CHUK: variants seen among roughly 807,000 people sequenced by gnomAD.
The protein encoded by CHUK is inhibitor of nuclear factor kappa-B kinase subunit alpha.
CHUK carries 35 observed loss-of-function variants against 104.8 expected under a neutral mutation model. The observed-to-expected ratio is 0.33, with a 90% CI of 0.26 to 0.44. CHUK has a LOEUF of 0.44. Ranked by LOEUF, CHUK falls within the 20% of genes least tolerant of loss-of-function variation. The probability of loss-of-function intolerance (pLI) is 1.00; values close to 1 mark genes in which losing one functional copy is unlikely to be tolerated. For synonymous variants in CHUK, 276 were observed against 291.9 expected (o/e 0.95, Z 0.56); for missense variants, 663 against 902.7 (o/e 0.73, Z 3.40).
At position 100,189,642 on chromosome 10, in the gene CHUK, GAA is replaced by G; in HGVS notation, c.2209-17_2209-16del. Reference sequence around the variant, plus strand: ...CAATCAAGATTCTAAAACCAGGCATGAAAAAGTTACAATTAGATGTTGACTAT... The same window carrying G: ...CAATCAAGATTCTAAAACCAGGCATGAAAGTTACAATTAGATGTTGACTAT... On this transcript the variant is annotated splice_polypyrimidine_tract_variant and intron_variant, in intron 20 of 20. Transcript: ENST00000370397. 6.2e-7 allele frequency: 1 copy of G among 1,605,248 alleles called. No individual in the cohort carries two copies. The highest frequency in any genetic ancestry group is 8.5e-7 in the Non-Finnish European group (1 of 1,171,998).
intron 9 of CHUK, among the ~76,000 whole-genome samples, chr10:100,210,097 T>TATTTA (rs1564836593): frequency 6.7e-6 from 1 of 149,108 alleles, no homozygotes; most frequent in African/African-American, 2.5e-5. Context: ...ATTTATTTTT[T>TATTTA]TTTTTTTTGA....
intron 8 of CHUK, 61 bp from the exon 9 acceptor site, chr10:100,218,191 T>C: frequency 7.0e-7 from 1 of 1,433,102 alleles, no homozygotes; most frequent in Non-Finnish European, 9.8e-7. Context: ...CCCTTTATAC[T>C]GTTAGAAAGG....
chr10:100,196,466 A>G (rs539717922), intron 16 of CHUK, among the ~76,000 whole-genome samples: 177 of 149,476 alleles, frequency 1.2e-3, no homozygotes, highest in African/African-American at 3.9e-3. Flanking sequence ...GGCTCACTGC[A>G]GCCTCGACCT....
In CHUK at chr10:100,222,740, T is replaced by G. The variant is rs17878629; in HGVS notation, c.315+126A>C. The G allele has an allele frequency of 3.8e-3, 2,580 of 674,814 alleles. 55 individuals are homozygous for G. The African/African-American group carries it at 0.04, about 11-fold the overall frequency. 41.8% of individuals were successfully genotyped at this position (674,814 alleles called of 1,614,324 possible). ...ATGTGGCTGTGTTCCAATAAAACTT[T>G]ATTTACAAAACAGGAAGCAGACCAT... On this transcript the variant is annotated intron_variant, in intron 3 of 20. Transcript: ENST00000370397.
chr10:100,192,856 A>T (rs1845235846), intron 19 of CHUK: 1 of 485,500 alleles, frequency 2.1e-6, no homozygotes, highest in Non-Finnish European at 2.7e-6. Flanking sequence ...TCAAAAATTT[A>T]TTAGAAGGGT....
At chr10:100,202,461 C>A (rs1195601915) in intron 13 of CHUK, among the ~76,000 whole-genome samples, 1 of 152,150 alleles carries the variant, frequency 6.6e-6, no homozygotes. Flanking sequence ...ACAATGGAGA[C>A]AGATTGAGGT....
chr10:100,218,819 C>G lies in CHUK; in HGVS notation c.696G>C (p.Glu232Asp). 1 of 1,611,986 alleles carries G rather than the reference C, an allele frequency of 6.2e-7. No individual in the cohort carries two copies. The change falls in exon 8 of 21, where the codon GAG (glutamate) becomes GAC (aspartate). Residue 232 changes from glutamate (E) to aspartate (D), a missense_variant. Glu to Asp is a conservative substitution (Grantham distance 45). Around this residue, in one of 5 missense-constraint regions of CHUK, gnomAD observed 200 missense variants for 333.0 expected, o/e 0.60. Coordinates refer to ENST00000370397, the MANE Select transcript of CHUK (RefSeq NM_001278.5). ...ACTTTGGATCCTTCTTCTTAATCTT[C>G]TCATGCCTATAAAATCAAAAGCTAC... ...LHHLQPFTWH[E>D]KIKKKDPKCI...
At position 100,228,580 on chromosome 10, in the gene CHUK, C is replaced by T. The variant is rs191970944; in HGVS notation, c.105+848G>A. Among the ~76,000 whole-genome samples, 1,118 of 149,316 alleles carry T rather than the reference C, an allele frequency of 7.5e-3. 19 individuals carry two copies. Among genetic ancestry groups the T allele is most frequent in the African/African-American group, 0.026 (1,041 of 39,550 alleles). ...CTGTGGCAGGAGAATCGCTTGAACT[C>T]GGGAGGAGGAGGCTGCAGTGAGCCG... On this transcript the variant is annotated intron_variant, in intron 1 of 20. Transcript: ENST00000370397.
intron 16 of CHUK, among the ~76,000 whole-genome samples, chr10:100,196,396 T>TC (rs1356163501): frequency 6.6e-6 from 1 of 151,380 alleles, no homozygotes; most frequent in East Asian, 1.9e-4. Flanking sequence ...TTTTTTTTTT[T>TC]TTTTTTTTTA....
At chr10:100,194,395 T>C (rs1181603720) in intron 17 of CHUK, 30 bp downstream of exon 17, 4 of 1,464,700 alleles carry the variant, frequency 2.7e-6, no homozygotes, top group Non-Finnish European at 3.8e-6. Flanking sequence ...TATCCTGGTT[T>C]TTCAGTAGGA....
intron 14 of CHUK, 91 bp from the exon 15 acceptor site, chr10:100,200,871 G>T (rs1845445733): frequency 2.6e-6 from 2 of 764,550 alleles, no homozygotes; most frequent in African/African-American, 1.7e-5. Context: ...AGAATGACTT[G>T]CTGCTTCATT....
At chr10:100,204,699 T>C in intron 12 of CHUK, 42 bp from the exon 13 acceptor site, 1 of 1,494,694 alleles carries the variant, frequency 6.7e-7, no homozygotes, top group South Asian at 1.2e-5. Flanking sequence ...AAAAAGATAT[T>C]ATCAGCATTC....
At chr10:100,210,083 ATTTATTTATTTTTT>A (rs1461809730) in intron 9 of CHUK, among the ~76,000 whole-genome samples, 1 of 130,172 alleles carries the variant, frequency 7.7e-6, no homozygotes, top group African/African-American at 3.4e-5. Flanking sequence ...TTATTTATTT[ATTTATTTATTTTTT>A]TTTTTTTTGA....
chr10:100,213,328 C>CA (rs1363321890), intron 9 of CHUK, among the ~76,000 whole-genome samples: 1 of 151,834 alleles, frequency 6.6e-6, no homozygotes, highest in Non-Finnish European at 1.5e-5. Flanking sequence ...TAAAAACACA[C>CA]AAAAAATTAG....
intron 4 of CHUK, 121 bp downstream of exon 4, chr10:100,221,991 T>C (rs1164649062): frequency 6.3e-6 from 4 of 635,086 alleles, no homozygotes; most frequent in East Asian, 2.8e-5. Context: ...TAACTTCTTA[T>C]AGATGTTGAA....
At chr10:100,190,351 G>A (rs4917887) in intron 20 of CHUK, 32,047 of 175,804 alleles carry the variant, frequency 0.18, 5,429 homozygotes, top group African/African-American at 0.48. Flanking sequence ...AAGAGGAAAT[G>A]TACAGAATTG....
At position 100,220,814 on chromosome 10, in the gene CHUK, T is replaced by TA. The variant is rs3831070; in HGVS notation, c.386-139_386-138insT. On this transcript the variant is annotated intron_variant, in intron 4 of 20. Transcript: ENST00000370397. ...CGTAACTACACAACTAATACTACAG[T>TA]GTCCAGGTTTTCTTCACAGAAAAAA... The TA allele has an allele frequency of 0.13, 81,230 of 635,090 alleles. 10,451 individuals carry two copies. The highest frequency in any genetic ancestry group is 0.53 in the African/African-American group (28,528 of 54,310). 39.3% of individuals were successfully genotyped at this position (635,090 alleles called of 1,614,324 possible). A position where few individuals can be genotyped will look rare whatever the true frequency, so the allele number is the denominator to read the frequency against.
chr10:100,224,086 A>ACTCTCTCT (rs3884083), intron 2 of CHUK, among the ~76,000 whole-genome samples: 4,579 of 148,266 alleles, frequency 0.031, 99 homozygotes, highest in Middle Eastern at 0.053. Flanking sequence ...TCGCTCGTTC[A>ACTCTCTCT]CTCTCTCTCT....
At chr10:100,205,839 A>C (rs1243477242) in intron 11 of CHUK, among the ~76,000 whole-genome samples, 1 of 152,224 alleles carries the variant, frequency 6.6e-6, no homozygotes, top group African/African-American at 2.4e-5. Context: ...GAGACAGGAG[A>C]ATCGCTTGTA....
Sources: allele counts gnomAD v4.1 joint callset (sites outside exome capture counted in the v4.1 genomes callset), GRCh38; gene constraint gnomAD v4.1.1; regional missense constraint gnomAD v4.1.1; transcripts MANE v1.5; gene names NCBI Gene and HGNC (gene_info 2026-07-23, HGNC 2026-07-21).